The following OSCP1 variants were observed in gnomAD, a reference collection of about 807,000 sequenced individuals.
OSCP1 encodes the protein protein OSCP1.
A neutral mutation model predicts 45.1 loss-of-function variants in OSCP1; 35 were observed. The ratio of observed to expected loss-of-function variants is 0.78; its 90% CI spans 0.59 to 1.03. The LOEUF (loss-of-function observed/expected upper bound fraction) is 1.03. OSCP1 is among the 50% of genes least tolerant of loss of function. OSCP1 has a pLI of 0.00. For missense variants in OSCP1, 400 were observed against 470.7 expected, an observed-to-expected ratio of 0.85 and a Z score of 1.39; for synonymous variants, 179 against 180.1, an observed-to-expected ratio of 0.99 and a Z score of 0.05.
At chr1:36,423,752 C>T (rs138140161) in intron 4 of OSCP1, among the ~76,000 whole-genome samples, 15,508 of 151,784 alleles carry the variant, frequency 0.1, 938 homozygotes, top group East Asian at 0.29. Context: ...TGGGCACCTG[C>T]AGTCTCAGCT....
chr1:36,419,308 C>T (rs1647472960), intron 8 of OSCP1: 1 of 498,908 alleles, frequency 2.0e-6, no homozygotes, highest in African/African-American at 1.9e-5. Context: ...AACTCCAAGA[C>T]CTAGATCAAA....
chr1:36,440,094 A>C lies in OSCP1; in HGVS notation c.113-1184T>G, dbSNP rs757262206. Among the ~76,000 whole-genome samples, 9 of 152,372 alleles carry C rather than the reference A, an allele frequency of 5.9e-5. No homozygotes were observed. The Middle Eastern group carries it at 0.01, about 173-fold the overall frequency. On this transcript the variant is annotated intron_variant, in intron 1 of 9. Coordinates refer to ENST00000235532, the MANE Select transcript of OSCP1 (RefSeq NM_145047.5). Reference sequence around the variant, plus strand: ...AATTATACAAAATCACTTATTAAACATGAGTGGTTATTATTGAAATATAGA... The same window carrying C: ...AATTATACAAAATCACTTATTAAACCTGAGTGGTTATTATTGAAATATAGA...
intron 2 of OSCP1, 152 bp downstream of exon 2, chr1:36,438,604 C>T: frequency 1.1e-6 from 1 of 883,788 alleles, no homozygotes; most frequent in Non-Finnish European, 1.6e-6. Flanking sequence ...TGAGGTCTTT[C>T]CCACTCTGAA....
intron 4 of OSCP1, among the ~76,000 whole-genome samples, chr1:36,428,636 T>G (rs1648140890): frequency 6.6e-6 from 1 of 152,218 alleles, no homozygotes. Flanking sequence ...TGGGATTCAT[T>G]TTCTTAATTA....
At chr1:36,444,043 G>A in intron 1 of OSCP1, 1 of 1,612,724 alleles carries the variant, frequency 6.2e-7, no homozygotes, top group Non-Finnish European at 8.5e-7. Flanking sequence ...TCTACATGAA[G>A]CATACAAAAA....
intron 8 of OSCP1, chr1:36,419,286 C>T: frequency 3.8e-6 from 2 of 532,362 alleles, no homozygotes; most frequent in South Asian, 2.6e-5. Flanking sequence ...TCTTCCCTTC[C>T]TCTGCTTGGC....
Position 36,419,003 on chromosome 1 carries a change from T to C in OSCP1, c.1011A>G (p.Ile337Met), listed in dbSNP as rs1377580266. 2 of 1,609,728 alleles carry C rather than the reference T, an allele frequency of 1.2e-6. No homozygotes were observed. Among genetic ancestry groups the C allele is most frequent in the East Asian group, 2.2e-5 (1 of 44,864 alleles). ...PEELSYEVIN[I>M]QATQDQQRSE... ...CCCCTGTACGTACCTGGGTGGCTTG[T>C]ATGTTGATAACTTCATAGGATAACT... The change falls in exon 9 of 10, where the codon ATA (isoleucine) becomes ATG (methionine). Residue 337 changes from isoleucine (I) to methionine (M), a missense_variant. Coordinates refer to ENST00000235532, the MANE Select transcript of OSCP1 (RefSeq NM_145047.5).
chr1:36,440,549 T>C (rs150980656), intron 1 of OSCP1, among the ~76,000 whole-genome samples: 13 of 152,286 alleles, frequency 8.5e-5, no homozygotes, highest in African/African-American at 3.1e-4. Flanking sequence ...CATCTGACAA[T>C]TTCAAACCAT....
At position 36,418,366 on chromosome 1, in the gene OSCP1, G is replaced by A. The variant is rs140180742; in HGVS notation, c.1024-111C>T. Reference sequence around the variant, plus strand: ...CCCATGACTGATATGTTTCAGTTGCGCACCTGTTTGTCAGAAAAGGGATTG... The same window carrying A: ...CCCATGACTGATATGTTTCAGTTGCACACCTGTTTGTCAGAAAAGGGATTG... On this transcript the variant is annotated intron_variant, in intron 9 of 9. Coordinates refer to ENST00000235532, the MANE Select transcript of OSCP1 (RefSeq NM_145047.5). 4.6e-3 allele frequency: 3,805 copies of A among 827,316 alleles called. 22 individuals are homozygous for A. Among genetic ancestry groups the A allele is most frequent in the Non-Finnish European group, 6.3e-3 (3,186 of 503,132 alleles). 51.2% of individuals were successfully genotyped at this position (827,316 alleles called of 1,614,324 possible). A position where few individuals can be genotyped will look rare whatever the true frequency, so the allele number is the denominator to read the frequency against.
intron 1 of OSCP1, chr1:36,443,989 C>G (rs777006605): frequency 6.2e-7 from 1 of 1,612,572 alleles, no homozygotes; most frequent in Non-Finnish European, 8.5e-7. Flanking sequence ...CACATGCAGC[C>G]CGGAGATAGC....
rs960088055 is a variant in OSCP1 at position 36,447,229 on chromosome 1, A to T, written c.112+3029T>A. 6.6e-6 allele frequency among the ~76,000 whole-genome samples: 1 copy of T among 152,202 alleles called. No individual in the cohort carries two copies. The highest frequency in any genetic ancestry group is 2.4e-5 in the African/African-American group (1 of 41,450). Reference sequence around the variant, plus strand: ...TTAAATGGTGGAATAGGTGGAAGACATGAGTATTTCTCAGCCCGTTGAATC... The same window carrying T: ...TTAAATGGTGGAATAGGTGGAAGACTTGAGTATTTCTCAGCCCGTTGAATC... On this transcript the variant is annotated intron_variant, in intron 1 of 9. Coordinates refer to ENST00000235532, the MANE Select transcript of OSCP1 (RefSeq NM_145047.5). This position sits in a 1 kb window ranked among gnomAD's most constrained non-coding sequence, Gnocchi z 4.1.
chr1:36,418,904 G>A, intron 9 of OSCP1, 87 bp downstream of exon 9: 2 of 1,141,850 alleles, frequency 1.8e-6, no homozygotes, highest in South Asian at 2.7e-5. Flanking sequence ...CTTCACCTGG[G>A]TGACAGAGCG....
intron 4 of OSCP1, chr1:36,428,241 C>G: frequency 9.0e-7 from 1 of 1,106,106 alleles, no homozygotes; most frequent in Non-Finnish European, 1.2e-6. Context: ...GAATTGAAAT[C>G]TATTTATCTT....
rs1647456435 is a variant in OSCP1 at position 36,419,069 on chromosome 1, A to G, written c.960-15T>C. Reference sequence around the variant, plus strand: ...GCGCTGCTTGTCTGGATGAGATGGTAAAGAAAATGGGTGCAACATTAGGGT... The same window carrying G: ...GCGCTGCTTGTCTGGATGAGATGGTGAAGAAAATGGGTGCAACATTAGGGT... On this transcript the variant is annotated splice_polypyrimidine_tract_variant and intron_variant, in intron 8 of 9. Transcript: ENST00000235532. 8 of 1,604,066 alleles carry G rather than the reference A, an allele frequency of 5.0e-6. No individual in the cohort carries two copies. Among genetic ancestry groups the G allele is most frequent in the Non-Finnish European group, 6.8e-6 (8 of 1,170,788 alleles).
At position 36,422,309 on chromosome 1, in the gene OSCP1, T is replaced by G. The variant is rs958630402; in HGVS notation, c.750-90A>C. 7.4e-6 allele frequency: 9 copies of G among 1,223,800 alleles called. No individual in the cohort carries two copies. The African/African-American group carries it at 1.0e-4, about 14-fold the overall frequency. 75.8% of individuals were successfully genotyped at this position (1,223,800 alleles called of 1,614,324 possible). A position where few individuals can be genotyped will look rare whatever the true frequency, so the allele number is the denominator to read the frequency against. ...TAAGCATAGTTTGTAGCTTTTATTC[T>G]GAGACATTAAATAGCATCCAGAAAG... is the stretch of plus-strand genomic sequence containing the variant. On this transcript the variant is annotated intron_variant, in intron 6 of 9. Coordinates refer to ENST00000235532, the MANE Select transcript of OSCP1 (RefSeq NM_145047.5).
intron 8 of OSCP1, chr1:36,419,379 G>A: frequency 5.6e-6 from 2 of 360,320 alleles, no homozygotes; most frequent in South Asian, 8.9e-5. Context: ...GCGCATTCAT[G>A]ACACAGCACT....
intron 2 of OSCP1, among the ~76,000 whole-genome samples, chr1:36,433,290 T>C (rs1557557487): frequency 1.3e-5 from 2 of 152,074 alleles, no homozygotes; most frequent in Non-Finnish European, 1.5e-5. Flanking sequence ...AGGATTTAAA[T>C]TGGCTGAGGG....
chr1:36,433,752 C>T (rs1648530950), intron 2 of OSCP1, among the ~76,000 whole-genome samples: 1 of 152,130 alleles, frequency 6.6e-6, no homozygotes. Flanking sequence ...TCTGGGCTGA[C>T]ATGATCAAAG....
In OSCP1 at chr1:36,433,310, G is replaced by A. The variant is rs567319091; in HGVS notation, c.268-721C>T. On this transcript the variant is annotated intron_variant, in intron 2 of 9. Coordinates refer to ENST00000235532, the MANE Select transcript of OSCP1 (RefSeq NM_145047.5). Reference sequence around the variant, plus strand: ...TTAAATTGGCTGAGGGCAGAGGAAAGACATTCCAGTTGAGGGAAACAGTAC... The same window carrying A: ...TTAAATTGGCTGAGGGCAGAGGAAAAACATTCCAGTTGAGGGAAACAGTAC... Among the ~76,000 whole-genome samples, 5 of 152,314 alleles carry A rather than the reference G, an allele frequency of 3.3e-5. No individual in the cohort carries two copies. In the South Asian group the frequency reaches 8.3e-4, roughly 25 times the overall value.
Sources: allele counts gnomAD v4.1 joint callset (sites outside exome capture counted in the v4.1 genomes callset), GRCh38; gene constraint gnomAD v4.1.1; non-coding constraint Gnocchi (gnomAD v3.1); transcripts MANE v1.5; gene names NCBI Gene and HGNC (gene_info 2026-07-23, HGNC 2026-07-21).